Variants in CERKL observed in about 807,000 individuals in gnomAD.
The protein encoded by CERKL is ceramide kinase-like protein.
Under a neutral mutation model 63.4 loss-of-function variants are expected in CERKL, and 61 were observed. The ratio of observed to expected loss-of-function variants is 0.96; its 90% CI spans 0.78 to 1.19. The LOEUF (loss-of-function observed/expected upper bound fraction) is 1.19, where lower values mean the gene tolerates loss of function less well. CERKL is among the 50% of genes most tolerant of loss of function. The pLI is 0.00. For synonymous variants in CERKL, 250 were observed against 230.5 expected (o/e 1.08, Z -0.77); for missense variants, 675 against 655.5 (o/e 1.03, Z -0.33).
rs1685831849 is a variant in CERKL at position 181,608,796 on chromosome 2, A to G, written c.239-4717T>C. Among the ~76,000 whole-genome samples, 3 of 152,186 alleles carry G rather than the reference A, an allele frequency of 2.0e-5. No homozygotes were observed. In the South Asian group the frequency reaches 6.2e-4, roughly 32 times the overall value. ...GGGAAAGGAGGAGTTGAAACTAACT[A>G]TTTAAAGATGTTATCATAATTTTTT... is the stretch of plus-strand genomic sequence containing the variant. On this transcript the variant is annotated intron_variant, in intron 1 of 12. Transcript: ENST00000410087.
chr2:181,573,052 A>G (rs192830185), intron 3 of CERKL, among the ~76,000 whole-genome samples: 90 of 152,234 alleles, frequency 5.9e-4, no homozygotes, highest in African/African-American at 2.1e-3. Context: ...CCACATAGAA[A>G]TAAAGCTAGG....
intron 1 of CERKL, among the ~76,000 whole-genome samples, chr2:181,647,294 C>G (rs183755468): frequency 6.6e-6 from 1 of 152,276 alleles, no homozygotes; most frequent in Admixed American, 6.5e-5. Context: ...AGATAAAGAA[C>G]ACTGTGAGCC....
At chr2:181,546,488 CAAA>C (rs756678933) in intron 10 of CERKL, among the ~76,000 whole-genome samples, 7 of 152,294 alleles carry the variant, frequency 4.6e-5, no homozygotes, top group South Asian at 4.1e-4. Context: ...ACACAAGGTT[CAAA>C]ATACTCCTTT....
At chr2:181,627,656 C>T (rs1686771848) in intron 1 of CERKL, among the ~76,000 whole-genome samples, 1 of 152,168 alleles carries the variant, frequency 6.6e-6, no homozygotes, top group Non-Finnish European at 1.5e-5. Context: ...AATTTGATGA[C>T]AATCATCTGG....
At chr2:181,571,597 T>C (rs1688905651) in intron 3 of CERKL, among the ~76,000 whole-genome samples, 1 of 152,104 alleles carries the variant, frequency 6.6e-6, no homozygotes, top group Non-Finnish European at 1.5e-5. Context: ...ACACCAACTG[T>C]GGATCAATAC....
At chr2:181,540,627 C>G (rs1030955885) in intron 11 of CERKL, among the ~76,000 whole-genome samples, 1 of 152,122 alleles carries the variant, frequency 6.6e-6, no homozygotes, top group Non-Finnish European at 1.5e-5. Flanking sequence ...ACCAGTAAGT[C>G]TATTATCTTA....
chr2:181,545,974 T>G (rs1296978844), intron 10 of CERKL, among the ~76,000 whole-genome samples: 2 of 152,140 alleles, frequency 1.3e-5, no homozygotes, highest in African/African-American at 4.8e-5. Context: ...CACTGAGATA[T>G]TCTAACATAA....
intron 1 of CERKL, among the ~76,000 whole-genome samples, chr2:181,652,816 C>A (rs1687995991): frequency 6.6e-6 from 1 of 151,174 alleles, no homozygotes; most frequent in Non-Finnish European, 1.5e-5. Flanking sequence ...CACTCTGTTA[C>A]CAGGCTGGAG....
chr2:181,548,736 C>T lies in CERKL; in HGVS notation c.1017G>A (p.Trp339Ter). 1 of 1,614,026 alleles carries T rather than the reference C, an allele frequency of 6.2e-7. No homozygotes were observed. Among genetic ancestry groups the T allele is most frequent in the Non-Finnish European group, 8.5e-7 (1 of 1,179,942 alleles). The change falls in exon 7 of 13, where the codon TGG becomes TGA. Residue 339 changes from tryptophan (W) to a stop codon, truncating the protein, a stop_gained. Coordinates refer to ENST00000410087, the MANE Select transcript of CERKL (RefSeq NM_201548.5). LOFTEE classifies it high-confidence loss of function. ...AATCTCTCCGTTGGTTAGGGGACAT[C>T]CATCGATATTTTTCTGCCAGAGCCA... ...RTLALAEKYR[W>*]MSPNQRRDFA...
intron 1 of CERKL, among the ~76,000 whole-genome samples, chr2:181,653,427 A>C (rs1385998439): frequency 6.6e-6 from 1 of 152,234 alleles, no homozygotes; most frequent in African/African-American, 2.4e-5. Context: ...CAAAGGAAAT[A>C]AAATGAGTAT....
At chr2:181,599,935 T>C (rs1021505460) in intron 2 of CERKL, among the ~76,000 whole-genome samples, 2 of 152,016 alleles carry the variant, frequency 1.3e-5, no homozygotes, top group African/African-American at 4.8e-5. Flanking sequence ...AGAAAAAATA[T>C]GAAAGGCATC....
At position 181,616,857 on chromosome 2, in the gene CERKL, G is replaced by A. The variant is rs139441137; in HGVS notation, c.239-12778C>T. Among the ~76,000 whole-genome samples, 159 of 152,316 alleles carry A rather than the reference G, an allele frequency of 1.0e-3. No individual in the cohort carries two copies. The Middle Eastern group carries it at 0.02, about 20-fold the overall frequency. On this transcript the variant is annotated intron_variant, in intron 1 of 12. Coordinates refer to ENST00000410087, the MANE Select transcript of CERKL (RefSeq NM_201548.5). ...GTTTTATATAAACAAATATTCAGGA[G>A]AAATTGGTGAATTAAGTAAATCTTT...
intron 2 of CERKL, among the ~76,000 whole-genome samples, chr2:181,581,732 C>G (rs946326454): frequency 6.6e-6 from 1 of 152,172 alleles, no homozygotes; most frequent in Non-Finnish European, 1.5e-5. Context: ...AGGTGGCTGG[C>G]TGGTTGCTCT....
chr2:181,539,351 T>C, intron 11 of CERKL, 87 bp from the exon 12 acceptor site: 1 of 845,136 alleles, frequency 1.2e-6, no homozygotes, highest in Non-Finnish European at 2.0e-6. Context: ...CTCTCACAAG[T>C]AAATATCAGC....
At chr2:181,649,216 T>C (rs1687797026) in intron 1 of CERKL, among the ~76,000 whole-genome samples, 1 of 152,110 alleles carries the variant, frequency 6.6e-6, no homozygotes, top group African/African-American at 2.4e-5. Flanking sequence ...GAAAAAGATA[T>C]TCCATGCAAT....
At chr2:181,555,850 T>C (rs1312333112) in intron 5 of CERKL, among the ~76,000 whole-genome samples, 1 of 151,506 alleles carries the variant, frequency 6.6e-6, no homozygotes, top group East Asian at 1.9e-4. Context: ...CCTCCCAGGT[T>C]CAAGTTATTC....
In CERKL at chr2:181,627,207, T is replaced by G. The variant is rs559904889; in HGVS notation, c.239-23128A>C. 2.0e-5 allele frequency among the ~76,000 whole-genome samples: 3 copies of G among 152,302 alleles called. No homozygotes were observed. In the South Asian group the frequency reaches 6.2e-4, roughly 32 times the overall value. ...GTTTGGTACAATGGAGAATGGAAACTAACCGTCACGTGGACCTTCACCAAG... is the reference window on the plus strand; with the variant it reads ...GTTTGGTACAATGGAGAATGGAAACGAACCGTCACGTGGACCTTCACCAAG... On this transcript the variant is annotated intron_variant, in intron 1 of 12. Transcript: ENST00000410087.
chr2:181,630,163 G>A (rs1383499428), intron 1 of CERKL, among the ~76,000 whole-genome samples: 1 of 151,882 alleles, frequency 6.6e-6, no homozygotes, highest in Non-Finnish European at 1.5e-5. Context: ...TCACCCTCTT[G>A]AGTAGGTGGG....
intron 1 of CERKL, among the ~76,000 whole-genome samples, chr2:181,645,444 C>T (rs1376491636): frequency 2.0e-5 from 3 of 152,212 alleles, no homozygotes; most frequent in African/African-American, 7.2e-5. Context: ...TAGTTTCTAT[C>T]CTCCACCTGC....
Sources: allele counts gnomAD v4.1 joint callset (sites outside exome capture counted in the v4.1 genomes callset), GRCh38; gene constraint gnomAD v4.1.1; transcripts MANE v1.5; gene names NCBI Gene and HGNC (gene_info 2026-07-23, HGNC 2026-07-21).